Variants in SPATA3 observed in about 807,000 individuals in gnomAD.
SPATA3 encodes the protein spermatogenesis-associated protein 3.
SPATA3 carries 6 observed loss-of-function variants against 5.7 expected under a neutral mutation model. That is an observed-to-expected ratio of 1.06 (90% CI 0.58 to 2.09). SPATA3 has a LOEUF of 2.09. Ranked by LOEUF, SPATA3 falls within the 30% of genes most tolerant of loss-of-function variation. The probability of loss-of-function intolerance (pLI) is 0.00; values close to 1 mark genes in which losing one functional copy is unlikely to be tolerated. For missense variants in SPATA3, 155 were observed against 130.4 expected, an observed-to-expected ratio of 1.19 and a Z score of -0.92; for synonymous variants, 44 against 48.4, an observed-to-expected ratio of 0.91 and a Z score of 0.37.
chr2:231,016,040 C>A (rs892024432), intron 6 of SPATA3, among the ~76,000 whole-genome samples: 11 of 152,302 alleles, frequency 7.2e-5, no homozygotes, highest in African/African-American at 2.2e-4. Flanking sequence ...GCGTGAAGCC[C>A]CCACTTTCCC....
intron 6 of SPATA3, among the ~76,000 whole-genome samples, chr2:231,016,379 G>A (rs1692937039): frequency 6.6e-6 from 1 of 152,006 alleles, no homozygotes; most frequent in Non-Finnish European, 1.5e-5. Context: ...CGAATTCTCT[G>A]CCTTGGCATT....
downstream of SPATA3, among the ~76,000 whole-genome samples, chr2:231,008,110 C>A (rs1174810190): frequency 6.6e-6 from 1 of 152,210 alleles, no homozygotes; most frequent in Non-Finnish European, 1.5e-5. Context: ...AAGCCTGATC[C>A]TGCTGGGGCG....
downstream of SPATA3, among the ~76,000 whole-genome samples, chr2:231,006,451 C>T (rs62193674): frequency 6.9e-3 from 1,027 of 149,634 alleles, 11 homozygotes; most frequent in African/African-American, 0.024. Flanking sequence ...TGCAGTGAGC[C>T]GAGATCGCAC....
At chr2:231,001,658 G>A (rs1308425742) in intron 2 of SPATA3, among the ~76,000 whole-genome samples, 3 of 152,154 alleles carry the variant, frequency 2.0e-5, no homozygotes, top group Non-Finnish European at 4.4e-5. Flanking sequence ...ATCGTGCCAT[G>A]GGTTCATATC....
chr2:231,013,341 CATA>C (rs1335306734), intron 5 of SPATA3, among the ~76,000 whole-genome samples: 5 of 152,218 alleles, frequency 3.3e-5, no homozygotes, highest in African/African-American at 9.7e-5. Flanking sequence ...TTTTGCTCAT[CATA>C]ATATTTTAAA....
At chr2:231,008,375 G>A, downstream of SPATA3, among the ~76,000 whole-genome samples, 1 of 152,206 alleles carries the variant, frequency 6.6e-6, no homozygotes, top group East Asian at 1.9e-4. Context: ...GGAGGACAAT[G>A]CTGAATGCCT....
intron 6 of SPATA3, among the ~76,000 whole-genome samples, chr2:231,017,200 G>C (rs1384371125): frequency 6.6e-6 from 1 of 152,198 alleles, no homozygotes; most frequent in South Asian, 2.1e-4. Context: ...TTAGACAATA[G>C]GGGAACTTAA....
At chr2:231,005,424 C>T (rs1421690090), downstream of SPATA3, among the ~76,000 whole-genome samples, 9 of 87,982 alleles carry the variant, frequency 1.0e-4, no homozygotes, top group African/African-American at 2.6e-4. Context: ...AGCATCATCA[C>T]CACCACCACC....
At chr2:231,019,528 G>T (rs1693024859) in intron 6 of SPATA3, among the ~76,000 whole-genome samples, 2 of 150,020 alleles carry the variant, frequency 1.3e-5, no homozygotes, top group African/African-American at 4.9e-5. Context: ...GTTTCACCGT[G>T]TTAGCCGGGA....
chr2:231,005,433 CCACAAT>C (rs1692567961), downstream of SPATA3, among the ~76,000 whole-genome samples: 1 of 46,412 alleles, frequency 2.2e-5, no homozygotes, highest in Non-Finnish European at 4.5e-5. Context: ...ACCACCACCA[CCACAAT>C]CACCACCATC....
At chr2:231,019,484 T>C (rs190145274) in intron 6 of SPATA3, among the ~76,000 whole-genome samples, 8,758 of 148,332 alleles carry the variant, frequency 0.059, 767 homozygotes, top group African/African-American at 0.15. Flanking sequence ...CCACCACGCC[T>C]GGCTAATTTT....
rs1390487225 is a variant in SPATA3, at chr2:231,018,117, G to A, written c.*566-1603G>A. ...TTTTTATATTTTTAGTAGAGATGGGGTTTCAACATGTTGGTCAGGCTGGTC... is the reference window on the plus strand; with the variant it reads ...TTTTTATATTTTTAGTAGAGATGGGATTTCAACATGTTGGTCAGGCTGGTC... On this transcript the variant is annotated intron_variant, in intron 6 of 8. Coordinates refer to the SPATA3 transcript ENST00000452881. 4.6e-5 allele frequency among the ~76,000 whole-genome samples: 7 copies of A among 151,974 alleles called. No individual in the cohort carries two copies. In the East Asian group the frequency reaches 1.3e-3, roughly 29 times the overall value.
chr2:230,996,243 G>T, intron 1 of SPATA3: 2 of 1,550,554 alleles, frequency 1.3e-6, no homozygotes, highest in Middle Eastern at 1.7e-4. Context: ...CATGAAGAAG[G>T]TCAAGAAGAA....
chr2:231,004,353 G>T (rs1464205736), downstream of SPATA3, among the ~76,000 whole-genome samples: 1 of 152,178 alleles, frequency 6.6e-6, no homozygotes, highest in Middle Eastern at 3.2e-3. Context: ...CTGCTGGGGG[G>T]TCCCGTTGCT....
chr2:231,007,537 G>A (rs950979721), downstream of SPATA3, among the ~76,000 whole-genome samples: 2 of 152,234 alleles, frequency 1.3e-5, no homozygotes, highest in Non-Finnish European at 2.9e-5. Flanking sequence ...AATAGCTAAC[G>A]TAGTTAGTCA....
At chr2:230,999,507 A>G (rs1304081579) in intron 1 of SPATA3, 1 of 152,288 alleles carries the variant, frequency 6.6e-6, no homozygotes, top group Non-Finnish European at 1.5e-5. Flanking sequence ...AGTGTATTGA[A>G]TCTGCCAGGT....
rs375609254 is a variant in SPATA3 at position 230,996,435 on chromosome 2, G to A, written c.791-3931G>A. ...CCTTGAAACCACCTCCCGGCAGCCAGCATTCCAAGCCCTTCCAGCACCCGA... is the reference window on the plus strand; with the variant it reads ...CCTTGAAACCACCTCCCGGCAGCCAACATTCCAAGCCCTTCCAGCACCCGA... On this transcript the variant is annotated intron_variant, in intron 1 of 2. Coordinates refer to ENST00000645363, the Ensembl canonical transcript of SPATA3. 5.0e-5 allele frequency: 77 copies of A among 1,552,360 alleles called. No individual in the cohort carries two copies. The African/African-American group carries it at 8.7e-4, about 18-fold the overall frequency.
intron 6 of SPATA3, among the ~76,000 whole-genome samples, chr2:231,018,411 C>A (rs1205927216): frequency 6.6e-6 from 1 of 151,884 alleles, no homozygotes; most frequent in East Asian, 1.9e-4. Flanking sequence ...AACCTATTGC[C>A]ACCTCCCCCG....
chr2:231,015,529 C>T (rs1450581028), intron 6 of SPATA3, among the ~76,000 whole-genome samples: 2 of 152,128 alleles, frequency 1.3e-5, no homozygotes, highest in Non-Finnish European at 1.5e-5. Flanking sequence ...CCCACAAGGT[C>T]GTATCCTAGA....
Sources: gnomAD v4.1 joint callset for allele counts (sites outside exome capture counted in the v4.1 genomes callset) on GRCh38, gnomAD v4.1.1 for gene constraint, MANE v1.5 for transcripts, NCBI Gene and HGNC (gene_info 2026-07-23, HGNC 2026-07-21) for gene names.